Variants in ADSS1 observed in about 807,000 individuals in gnomAD.
ADSS1 encodes adenylosuccinate synthase 1.
ADSS1 carries 57 observed loss-of-function variants against 59.1 expected under a neutral mutation model. The ratio of observed to expected loss-of-function variants is 0.97; its 90% CI spans 0.78 to 1.20. ADSS1 has a LOEUF of 1.20. Ranked by LOEUF, ADSS1 falls within the 50% of genes most tolerant of loss-of-function variation. ADSS1 has a pLI of 0.00. For synonymous variants in ADSS1, 247 were observed against 249.4 expected (o/e 0.99, Z 0.09); for missense variants, 603 against 610.3 (o/e 0.99, Z 0.13).
intron 9 of ADSS1, 107 bp from the exon 10 acceptor site, chr14:104,742,960 C>T: frequency 2.0e-6 from 3 of 1,520,320 alleles, no homozygotes; most frequent in African/African-American, 1.4e-5. Flanking sequence ...GGCGGGGCAC[C>T]CTCAGGGATT....
Position 104,747,089 on chromosome 14 carries a change from C to A in ADSS1, c.*86C>A. Reference sequence around the variant, plus strand: ...AGTCACGTTCCTCGGCCGCCACAACCAACACCAAAGCAGGAAAACCATTTT... The same window carrying A: ...AGTCACGTTCCTCGGCCGCCACAACAAACACCAAAGCAGGAAAACCATTTT... On this transcript the variant is annotated 3_prime_UTR_variant, in exon 13 of 13. Coordinates refer to ENST00000330877, the MANE Select transcript of ADSS1 (RefSeq NM_152328.5). 2.4e-6 allele frequency: 3 copies of A among 1,242,550 alleles called. No homozygotes were observed. Among genetic ancestry groups the A allele is most frequent in the South Asian group, 3.2e-5 (2 of 62,166 alleles). 77.0% of individuals were successfully genotyped at this position (1,242,550 alleles called of 1,614,324 possible).
intron 1 of ADSS1, chr14:104,730,343 A>G: frequency 4.7e-6 from 5 of 1,065,642 alleles, no homozygotes; most frequent in Non-Finnish European, 6.4e-6. Context: ...TACAAAAATT[A>G]TCTGGGCATG....
At chr14:104,735,162 G>T in intron 2 of ADSS1, 40 bp downstream of exon 2, 3 of 1,548,372 alleles carry the variant, frequency 1.9e-6, no homozygotes, top group East Asian at 2.4e-5. Context: ...GCAGGAAAGG[G>T]GGTGTCAGCC....
intron 11 of ADSS1, 174 bp from the exon 12 acceptor site, chr14:104,746,062 T>C (rs4983543): frequency 0.52 from 384,161 of 743,626 alleles, 105,473 homozygotes; most frequent in African/African-American, 0.89. Context: ...GTCCCCTGCT[T>C]ACCACCCAAC....
At chr14:104,729,396 G>A (rs1251911647) in intron 1 of ADSS1, among the ~76,000 whole-genome samples, 1 of 152,206 alleles carries the variant, frequency 6.6e-6, no homozygotes, top group Non-Finnish European at 1.5e-5. Flanking sequence ...GGCAGGGCAT[G>A]CGCCATCTGG....
rs776707924 is a variant in ADSS1, at chr14:104,743,108, A to G, written c.990A>G (p.Gly330=). The change falls in exon 10 of 13, where the codon GGA becomes GGG. Residue 330 remains glycine (G), a synonymous_variant. Coordinates refer to ENST00000330877, the MANE Select transcript of ADSS1 (RefSeq NM_152328.5). ...TGCAGACCCGCGGCCACGAGTGGGG[A>G]GTGACCACAGGCAGGAAGAGGCGCT... ...GLLQTRGHEW[G]VTTGRKRRCG... The G allele has an allele frequency of 1.9e-6, 3 of 1,612,968 alleles. No homozygotes were observed. The East Asian group carries it at 6.7e-5, about 36-fold the overall frequency.
At position 104,727,696 on chromosome 14, in the gene ADSS1, G is replaced by A. The variant is rs146659741; in HGVS notation, c.192+3234G>A. Among the ~76,000 whole-genome samples the A allele has an allele frequency of 5.8e-3, 889 of 152,298 alleles. 9 individuals carry two copies. The highest frequency in any genetic ancestry group is 9.9e-3 in the Non-Finnish European group (671 of 68,016). Reference sequence around the variant, plus strand: ...GCTCCTACCCCTCAAATGGGCAGCTGAAGGCAGGTGCACCTGGGTCTCCCC... The same window carrying A: ...GCTCCTACCCCTCAAATGGGCAGCTAAAGGCAGGTGCACCTGGGTCTCCCC... On this transcript the variant is annotated intron_variant, in intron 1 of 12. Coordinates refer to ENST00000330877, the MANE Select transcript of ADSS1 (RefSeq NM_152328.5).
chr14:104,739,208 C>T, intron 3 of ADSS1, 120 bp from the exon 4 acceptor site: 2 of 1,043,874 alleles, frequency 1.9e-6, no homozygotes, highest in Non-Finnish European at 2.8e-6. Context: ...CCCTGTCAGC[C>T]TCCTCCCTGC....
chr14:104,735,988 A>G (rs1291320322), intron 2 of ADSS1, among the ~76,000 whole-genome samples: 1 of 152,192 alleles, frequency 6.6e-6, no homozygotes, highest in East Asian at 1.9e-4. Context: ...CCCGTCAGGA[A>G]GTGGGGGTCA....
Position 104,744,879 on chromosome 14 carries a change from C to T in ADSS1, c.1141C>T (p.Leu381=), listed in dbSNP as rs1210820779. The T allele has an allele frequency of 1.2e-6, 2 of 1,614,038 alleles. No individual in the cohort carries two copies. Among genetic ancestry groups the T allele is most frequent in the Non-Finnish European group, 1.7e-6 (2 of 1,180,048 alleles). The change falls in exon 11 of 13, where the codon CTG becomes TTG. Residue 381 remains leucine, a synonymous_variant. Transcript: ENST00000330877. ...GEVKVGVSYK[L]NGKRIPYFPA... ...GGTTAAAGTCGGTGTCTCATACAAG[C>T]TGAACGGGAAAAGGATTCCCTATTT...
At position 104,744,809 on chromosome 14, in the gene ADSS1, C is replaced by A; in HGVS notation, c.1074-3C>A. The A allele has an allele frequency of 6.2e-7, 1 of 1,614,132 alleles. No individual in the cohort carries two copies. Among genetic ancestry groups the A allele is most frequent in the Non-Finnish European group, 8.5e-7 (1 of 1,180,002 alleles). ...GTTTGCCCGGCCCCTTGGCTTTCCA[C>A]AGGCTGGCCCTGACGAAGCTGGACA... On this transcript the variant is annotated splice_region_variant and splice_polypyrimidine_tract_variant and intron_variant, in intron 10 of 12. Coordinates refer to ENST00000330877, the MANE Select transcript of ADSS1 (RefSeq NM_152328.5).
chr14:104,724,781 C>T (rs577857134), intron 1 of ADSS1, among the ~76,000 whole-genome samples: 9 of 152,196 alleles, frequency 5.9e-5, no homozygotes, highest in Middle Eastern at 3.4e-3. Flanking sequence ...ATGGGTGTGA[C>T]GCTGGACCCT....
rs755710942 is a variant in ADSS1, at chr14:104,738,359, C to T, written c.296-17C>T. On this transcript the variant is annotated splice_polypyrimidine_tract_variant and intron_variant, in intron 2 of 12. Coordinates refer to ENST00000330877, the MANE Select transcript of ADSS1 (RefSeq NM_152328.5). ...TGGGACACAACTCTGTCTCTCATGC[C>T]TCTGTCTCTCATGCAGGCAACGGGG... 1.2e-6 allele frequency: 2 copies of T among 1,613,504 alleles called. No homozygotes were observed. The highest frequency in any genetic ancestry group is 1.7e-6 in the Non-Finnish European group (2 of 1,179,664).
intron 2 of ADSS1, among the ~76,000 whole-genome samples, chr14:104,736,883 TATATATATATATATATA>T (rs1369460490): frequency 2.3e-4 from 10 of 44,142 alleles, no homozygotes; most frequent in African/African-American, 1.3e-3. Flanking sequence ...ACCTAGCTGA[TATATATATATATATATA>T]TATATATATA....
chr14:104,736,702 G>A (rs1891136532), intron 2 of ADSS1, among the ~76,000 whole-genome samples: 2 of 151,856 alleles, frequency 1.3e-5, no homozygotes, highest in South Asian at 2.1e-4. Context: ...GCTCAGGAGT[G>A]TATTTGTGTT....
intron 11 of ADSS1, chr14:104,746,003 G>A (rs1180684740): frequency 2.1e-6 from 1 of 472,938 alleles, no homozygotes; most frequent in Non-Finnish European, 3.8e-6. Context: ...GCACATATGT[G>A]TCATGTCCCT....
chr14:104,739,993 G>T (rs1191228378), intron 5 of ADSS1, among the ~76,000 whole-genome samples, 177 bp downstream of exon 5: 1 of 152,136 alleles, frequency 6.6e-6, no homozygotes, highest in Non-Finnish European at 1.5e-5. Context: ...GGACGAGCCA[G>T]CCCGTCTCTC....
chr14:104,742,406 TC>T (rs1194236326), intron 9 of ADSS1, among the ~76,000 whole-genome samples: 1 of 151,810 alleles, frequency 6.6e-6, no homozygotes, highest in African/African-American at 2.4e-5. Flanking sequence ...GGTTGGGGGG[TC>T]CTCTGTCACA....
At chr14:104,731,000 TG>T (rs1394932990) in intron 1 of ADSS1, among the ~76,000 whole-genome samples, 1 of 130,148 alleles carries the variant, frequency 7.7e-6, no homozygotes, top group Non-Finnish European at 1.6e-5. Flanking sequence ...GGCTCAGAGC[TG>T]TGTCCTGACC....
Sources: gnomAD v4.1 joint callset for allele counts (sites outside exome capture counted in the v4.1 genomes callset) on GRCh38, gnomAD v4.1.1 for gene constraint, MANE v1.5 for transcripts, NCBI Gene and HGNC (gene_info 2026-07-23, HGNC 2026-07-21) for gene names.